Variants in AKR1C3 observed in about 807,000 individuals in gnomAD.
AKR1C3 encodes the protein aldo-keto reductase family 1 member C3.
In AKR1C3, 48 loss-of-function variants were observed where a neutral mutation model predicts 43.6. The ratio of observed to expected loss-of-function variants is 1.10; its 90% confidence interval spans 0.87 to 1.40. The LOEUF (loss-of-function observed/expected upper bound fraction) is 1.40, where lower values mean the gene tolerates loss of function less well. AKR1C3 is among the 40% of genes most tolerant of loss of function. AKR1C3 has a pLI of 0.00. For missense variants in AKR1C3, 482 were observed against 391.2 expected (o/e 1.23, Z -1.96); for synonymous variants, 162 against 139.6 (o/e 1.16, Z -1.13).
intron 7 of AKR1C3, 72 bp downstream of exon 7, chr10:5,102,722 T>G: frequency 1.4e-6 from 2 of 1,471,210 alleles, no homozygotes; most frequent in Non-Finnish European, 1.8e-6. Context: ...TGTAAGGCTC[T>G]CAGGACAGCC....
chr10:5,063,447 G>T (rs1184832591), intron 1 of AKR1C3, among the ~76,000 whole-genome samples: 2 of 152,028 alleles, frequency 1.3e-5, no homozygotes, highest in Non-Finnish European at 2.9e-5. Context: ...CTTACGAAAT[G>T]GTAGTAAAGG....
chr10:5,097,823 G>C, intron 3 of AKR1C3: 2 of 1,183,030 alleles, frequency 1.7e-6, no homozygotes, highest in Non-Finnish European at 2.1e-6. Context: ...CACTGTCTTA[G>C]TTGTGGCTTT....
chr10:5,057,402 A>G (rs1838284133), intron 1 of AKR1C3, among the ~76,000 whole-genome samples: 1 of 152,156 alleles, frequency 6.6e-6, no homozygotes, highest in Non-Finnish European at 1.5e-5. Context: ...GCCAGGTTTA[A>G]TAATGCCTCT....
At position 5,102,626 on chromosome 10, in the gene AKR1C3, GCAGCGCATCAGACAGAACGTGC is replaced by G; in HGVS notation, c.823_844del (p.Gln275ArgfsTer7). On this transcript the variant is annotated frameshift_variant and splice_region_variant, in exon 7 of 9. Transcript: ENST00000380554. LOFTEE classifies it high-confidence loss of function. ...TGGTCCTGGCCAAGAGCTACAATGA[GCAGCGCATCAGACAGAACGTGC>G]AGGTGAGGAGCGGGGCTGTGGGCCT... 6.7e-7 allele frequency: 1 copy of G among 1,492,112 alleles called. No individual in the cohort carries two copies. Among genetic ancestry groups the G allele is most frequent in the Non-Finnish European group, 8.9e-7 (1 of 1,120,100 alleles). The allele number at this position is 1,492,112 out of a possible 1,614,324, so 92.4% of individuals were successfully genotyped here.
intron 7 of AKR1C3, among the ~76,000 whole-genome samples, chr10:5,103,097 G>A (rs1554786402): frequency 2.0e-5 from 3 of 151,986 alleles, no homozygotes; most frequent in Non-Finnish European, 4.4e-5. Flanking sequence ...CACCATGTTG[G>A]CCAGGCTAGT....
chr10:5,102,687 C>T, intron 7 of AKR1C3, 37 bp downstream of exon 7: 1 of 1,447,684 alleles, frequency 6.9e-7, no homozygotes, highest in Non-Finnish European at 9.1e-7. Flanking sequence ...GTCTCCTGCA[C>T]AGTGTCCTTC....
Position 5,048,963 on chromosome 10 carries a change from G to A in AKR1C3, c.84+68G>A. 3.0e-6 allele frequency: 4 copies of A among 1,325,034 alleles called. No individual in the cohort carries two copies. The Admixed American group carries it at 6.7e-5, about 22-fold the overall frequency. The allele number at this position is 1,325,034 out of a possible 1,614,324, so 82.1% of individuals were successfully genotyped here. On this transcript the variant is annotated intron_variant, in intron 1 of 8. Coordinates refer to the AKR1C3 transcript ENST00000439082. ...GCCAGAATAAGTGGAAGCTGACCTG[G>A]GTTGTCAGGTTTGTGTTCGTGTATT...
At chr10:5,080,272 C>A (rs935360221) in intron 1 of AKR1C3, among the ~76,000 whole-genome samples, 7 of 152,228 alleles carry the variant, frequency 4.6e-5, no homozygotes, top group African/African-American at 1.7e-4. Context: ...AAAAATCTTT[C>A]CTTGTGCAAG....
At chr10:5,084,131 T>C (rs1838904417) in intron 1 of AKR1C3, among the ~76,000 whole-genome samples, 1 of 152,206 alleles carries the variant, frequency 6.6e-6, no homozygotes, top group Non-Finnish European at 1.5e-5. Flanking sequence ...CTTTTGGTGT[T>C]TTAGACATGA....
chr10:5,100,716 C>T (rs1156259194), intron 5 of AKR1C3, among the ~76,000 whole-genome samples: 1 of 152,230 alleles, frequency 6.6e-6, no homozygotes, highest in East Asian at 1.9e-4. Context: ...GATACAGTTC[C>T]ATCATATCCA....
At chr10:5,069,938 A>G (rs1350035688) in intron 1 of AKR1C3, among the ~76,000 whole-genome samples, 1 of 152,144 alleles carries the variant, frequency 6.6e-6, no homozygotes, top group Non-Finnish European at 1.5e-5. Context: ...ATTCATTCCT[A>G]GGCCTTCAGG....
intron 1 of AKR1C3, chr10:5,048,921 G>T (rs782298007): frequency 4.5e-5 from 72 of 1,586,628 alleles, no homozygotes; most frequent in Non-Finnish European, 2.9e-5. Flanking sequence ...TTGGTGCAGA[G>T]AGTTGAAAAG....
rs781837663 is a variant in AKR1C3, at chr10:5,107,410, C to A, written c.930-51C>A. 4.7e-6 allele frequency: 6 copies of A among 1,274,586 alleles called. No homozygotes were observed. In the East Asian group the frequency reaches 7.0e-5, roughly 15 times the overall value. The allele number at this position is 1,274,586 out of a possible 1,614,324, so 79.0% of individuals were successfully genotyped here. On this transcript the variant is annotated intron_variant, in intron 8 of 8. Coordinates refer to ENST00000380554, the MANE Select transcript of AKR1C3 (RefSeq NM_003739.6). ...GCTTCATTGAAATCACTTTACTACT[C>A]CCCTAGTAATGGAGTCATTGCATTT...
intron 8 of AKR1C3, among the ~76,000 whole-genome samples, chr10:5,106,873 G>A (rs1375357542): frequency 3.1e-5 from 4 of 129,328 alleles, no homozygotes; most frequent in South Asian, 4.6e-4. Flanking sequence ...TTAAAAATTG[G>A]TAGATATCAT....
At chr10:5,098,683 T>A in intron 3 of AKR1C3, 119 bp from the exon 4 acceptor site, 1 of 770,180 alleles carries the variant, frequency 1.3e-6, no homozygotes, top group Non-Finnish European at 2.2e-6. Context: ...CATATCACTT[T>A]CTGGAGCATT....
At chr10:5,103,919 GTTAATA>G (rs587733402) in intron 7 of AKR1C3, among the ~76,000 whole-genome samples, 195 of 152,010 alleles carry the variant, frequency 1.3e-3, no homozygotes, top group African/African-American at 4.5e-3. Flanking sequence ...TATATGATAG[GTTAATA>G]TATATGATAG....
intron 1 of AKR1C3, among the ~76,000 whole-genome samples, chr10:5,054,648 CCT>C (rs1838221599): frequency 6.6e-6 from 1 of 152,062 alleles, no homozygotes. Context: ...TTTGTCTCTT[CCT>C]CTCTTTCTGA....
rs569929469 is a variant in AKR1C3 at position 5,059,933 on chromosome 10, C to T, written c.84+11038C>T. On this transcript the variant is annotated intron_variant, in intron 1 of 8. Transcript: ENST00000439082. ...TGAGTGTTACAGTTCTTAAAGGCAG[C>T]ATGTCTGGAGTTTTTTCCTTCTGAT... 2.0e-4 allele frequency among the ~76,000 whole-genome samples: 31 copies of T among 152,220 alleles called. No individual in the cohort carries two copies. In the South Asian group the frequency reaches 6.0e-3, roughly 30 times the overall value.
intron 1 of AKR1C3, among the ~76,000 whole-genome samples, chr10:5,063,773 A>AAAAAAAAAAAAAAAAAAAAAAAG: frequency 6.9e-6 from 1 of 144,020 alleles, no homozygotes; most frequent in Non-Finnish European, 1.5e-5. Flanking sequence ...AGCAAAAAAA[A>AAAAAAAAAAAAAAAAAAAAAAAG]AAAAAAAAAA....
Sources: gnomAD v4.1 joint callset for allele counts (sites outside exome capture counted in the v4.1 genomes callset) on GRCh38, gnomAD v4.1.1 for gene constraint, MANE v1.5 for transcripts, NCBI Gene and HGNC (gene_info 2026-07-23, HGNC 2026-07-21) for gene names.